ACBD6: variants seen among roughly 807,000 people sequenced by gnomAD.
The protein encoded by ACBD6 is acyl-CoA binding domain containing 6.
ACBD6 carries 28 observed loss-of-function variants against 37.2 expected under a neutral mutation model. The observed-to-expected ratio is 0.75, with a 90% CI of 0.56 to 1.03. ACBD6 has a LOEUF of 1.03. Ranked by LOEUF, ACBD6 falls within the 50% of genes least tolerant of loss-of-function variation. The probability of loss-of-function intolerance (pLI) is 0.00; values close to 1 mark genes in which losing one functional copy is unlikely to be tolerated. For synonymous variants in ACBD6, 113 were observed against 126.8 expected (o/e 0.89, Z 0.73); for missense variants, 340 against 337.4 (o/e 1.01, Z -0.06).
At chr1:180,362,764 A>T (rs1437506291) in intron 6 of ACBD6, among the ~76,000 whole-genome samples, 1 of 152,068 alleles carries the variant, frequency 6.6e-6, no homozygotes. Flanking sequence ...TACTAATTTT[A>T]AAAAGACAAA....
In ACBD6 at chr1:180,430,180, CT is replaced by C; in HGVS notation, c.466del (p.Arg156GlyfsTer19). The C allele has an allele frequency of 6.2e-7, 1 of 1,611,544 alleles. No individual in the cohort carries two copies. Among genetic ancestry groups the C allele is most frequent in the Non-Finnish European group, 8.5e-7 (1 of 1,178,326 alleles). On this transcript the variant is annotated frameshift_variant and splice_region_variant, in exon 4 of 8. Coordinates refer to ENST00000367595, the MANE Select transcript of ACBD6 (RefSeq NM_032360.4). LOFTEE classifies it high-confidence loss of function. ...TATCAAAGATCAGAAGAGAAATTAC[CT>C]GATGGTTTCTTCATGATATAGAGAA... Reference protein sequence around the residue: ...ISSLYHEETIREEDKNIFDYC... With the variant: ...ISSLYHEETIXEEDKNIFDYC...
chr1:180,284,697 G>A (rs942953417), downstream of ACBD6, among the ~76,000 whole-genome samples: 6 of 151,986 alleles, frequency 3.9e-5, no homozygotes, highest in African/African-American at 1.4e-4. Context: ...GGTATAAAAC[G>A]AAAGCTCAAT....
Position 180,434,795 on chromosome 1 carries a change from C to T in ACBD6, c.385-4533G>A, listed in dbSNP as rs138913897. On this transcript the variant is annotated intron_variant, in intron 3 of 7. Transcript: ENST00000367595. ...GAGCCTGCTGCCAATGCCTCTAAGCCGAAGGTGGCTGTGCCACCCACGAAT... is the reference window on the plus strand; with the variant it reads ...GAGCCTGCTGCCAATGCCTCTAAGCTGAAGGTGGCTGTGCCACCCACGAAT... 1,837 of 691,770 alleles carry T rather than the reference C, an allele frequency of 2.7e-3. 5 individuals are homozygous for T. The highest frequency in any genetic ancestry group is 4.2e-3 in the Non-Finnish European group (1,557 of 367,382). 42.9% of individuals were successfully genotyped at this position (691,770 alleles called of 1,614,324 possible).
intron 3 of ACBD6, among the ~76,000 whole-genome samples, chr1:180,441,622 A>G (rs181623551): frequency 3.6e-4 from 55 of 152,224 alleles, no homozygotes; most frequent in Admixed American, 1.2e-3. Flanking sequence ...TTTGTTTTTA[A>G]TTCTTTTAAA....
intron 3 of ACBD6, among the ~76,000 whole-genome samples, chr1:180,446,348 C>A (rs1223481648): frequency 6.6e-6 from 1 of 151,750 alleles, no homozygotes; most frequent in Admixed American, 6.6e-5. Flanking sequence ...ATAAAGTACT[C>A]CATTAGTTCA....
In ACBD6 at chr1:180,300,592, T is replaced by C. The variant is rs146880179; in HGVS notation, c.695-12075A>G. On this transcript the variant is annotated intron_variant, in intron 7 of 7. Transcript: ENST00000367595. Reference sequence around the variant, plus strand: ...TATATATTTGTAACGCCAGAACTTATAGGGATATTTAGTATTTGATTATCT... The same window carrying C: ...TATATATTTGTAACGCCAGAACTTACAGGGATATTTAGTATTTGATTATCT... 2.8e-3 allele frequency among the ~76,000 whole-genome samples: 424 copies of C among 152,318 alleles called. 6 individuals carry two copies. Among genetic ancestry groups the C allele is most frequent in the East Asian group, 0.016 (83 of 5,186 alleles).
intron 3 of ACBD6, 34 bp from the exon 4 acceptor site, chr1:180,430,296 C>T: frequency 6.5e-7 from 1 of 1,534,528 alleles, no homozygotes. Flanking sequence ...GAAAAAAAGA[C>T]AAATGGGTTA....
At chr1:180,491,730 TCTG>T (rs1287204107) in intron 3 of ACBD6, among the ~76,000 whole-genome samples, 2 of 152,238 alleles carry the variant, frequency 1.3e-5, no homozygotes, top group Non-Finnish European at 2.9e-5. Context: ...TTCAAATTTT[TCTG>T]CTTTCAAAAA....
chr1:180,460,298 A>G (rs1469901748), intron 3 of ACBD6, among the ~76,000 whole-genome samples: 2 of 152,146 alleles, frequency 1.3e-5, no homozygotes, highest in Non-Finnish European at 2.9e-5. Flanking sequence ...TTCCCGGCGT[A>G]GGGGCAGGCT....
At chr1:180,410,662 G>C (rs1173113176) in intron 5 of ACBD6, among the ~76,000 whole-genome samples, 1 of 147,406 alleles carries the variant, frequency 6.8e-6, no homozygotes, top group African/African-American at 2.6e-5. Context: ...CCACTGCTCA[G>C]GAAAAAAAAA....
At chr1:180,442,943 C>T (rs1235537819) in intron 3 of ACBD6, among the ~76,000 whole-genome samples, 5 of 151,924 alleles carry the variant, frequency 3.3e-5, no homozygotes, top group Admixed American at 6.6e-5. Flanking sequence ...TTATCATTTC[C>T]ACCATGTACT....
intron 5 of ACBD6, among the ~76,000 whole-genome samples, chr1:180,407,667 C>T (rs1299827573): frequency 1.3e-5 from 2 of 152,140 alleles, no homozygotes; most frequent in Admixed American, 6.6e-5. Flanking sequence ...CTCTCCCAGA[C>T]CTGGTTTCTA....
intron 4 of ACBD6, among the ~76,000 whole-genome samples, chr1:180,416,070 G>A (rs1034964348): frequency 2.0e-5 from 3 of 152,234 alleles, no homozygotes; most frequent in African/African-American, 7.2e-5. Context: ...AATGCTACAA[G>A]GCTGAATGAC....
chr1:180,402,058 C>A (rs1263375748), intron 5 of ACBD6, among the ~76,000 whole-genome samples: 1 of 151,894 alleles, frequency 6.6e-6, no homozygotes, highest in African/African-American at 2.4e-5. Context: ...TTTCTCTCTG[C>A]AAAAAAATTG....
intron 3 of ACBD6, among the ~76,000 whole-genome samples, chr1:180,487,058 G>A (rs1344938165): frequency 6.6e-6 from 1 of 152,116 alleles, no homozygotes; most frequent in East Asian, 1.9e-4. Flanking sequence ...CATTAGAGGA[G>A]ACTAAAGATA....
intron 3 of ACBD6, chr1:180,434,763 C>G: frequency 4.8e-6 from 3 of 626,066 alleles, no homozygotes; most frequent in Non-Finnish European, 8.9e-6. Flanking sequence ...AGGCCATAGC[C>G]GCAACCGAGC....
chr1:180,462,389 G>C (rs1650181724), intron 3 of ACBD6, among the ~76,000 whole-genome samples: 1 of 152,100 alleles, frequency 6.6e-6, no homozygotes, highest in Non-Finnish European at 1.5e-5. Flanking sequence ...AAGGGATGGA[G>C]GAAAATTTAC....
intron 13 of ACBD6, among the ~76,000 whole-genome samples, chr1:180,272,347 C>A (rs530065977): frequency 2.2e-3 from 332 of 152,324 alleles, no homozygotes; most frequent in African/African-American, 7.8e-3. Flanking sequence ...CCCCTAGCCC[C>A]TCTCCCATCT....
intron 3 of ACBD6, chr1:180,435,604 TG>T: frequency 9.2e-7 from 1 of 1,085,570 alleles, no homozygotes. Context: ...ACTTTGCAGT[TG>T]GCTACAAGAC....
Sources: allele counts gnomAD v4.1 joint callset (sites outside exome capture counted in the v4.1 genomes callset), GRCh38; gene constraint gnomAD v4.1.1; transcripts MANE v1.5; gene names NCBI Gene and HGNC (gene_info 2026-07-23, HGNC 2026-07-21).